The following SLC25A48 variants were observed in gnomAD, a reference collection of about 807,000 sequenced individuals.
SLC25A48 encodes CTC-321K16.1.
In SLC25A48, 29 loss-of-function variants were observed where a neutral mutation model predicts 32.2. The observed-to-expected ratio is 0.90, with a 90% confidence interval of 0.67 to 1.23. SLC25A48 has a LOEUF of 1.23. SLC25A48 is among the 50% of genes most tolerant of loss of function. The probability of loss-of-function intolerance (pLI) is 0.00; values close to 1 mark genes in which losing one functional copy is unlikely to be tolerated. For synonymous variants in SLC25A48, 164 were observed against 172.3 expected (o/e 0.95, Z 0.38); for missense variants, 399 against 422.7 (o/e 0.94, Z 0.49).
intron 3 of SLC25A48, among the ~76,000 whole-genome samples, chr5:135,681,134 C>T (rs764499390): frequency 1.3e-5 from 2 of 152,092 alleles, no homozygotes; most frequent in African/African-American, 2.4e-5. Context: ...TACAGGCATG[C>T]CCGGCTAATT....
chr5:135,764,080 A>G (rs1316098611), intron 3 of SLC25A48, among the ~76,000 whole-genome samples: 3 of 152,088 alleles, frequency 2.0e-5, no homozygotes, highest in African/African-American at 7.2e-5. Flanking sequence ...AAAGAGCGTG[A>G]TATTACTCCC....
At chr5:135,630,623 A>AC (rs1752537746) in intron 2 of SLC25A48, among the ~76,000 whole-genome samples, 1 of 22,266 alleles carries the variant, frequency 4.5e-5, no homozygotes, top group African/African-American at 1.5e-4. Flanking sequence ...TTTTTTTTTG[A>AC]GAGAGTCATG....
At chr5:135,758,075 G>A (rs1484489370) in intron 3 of SLC25A48, among the ~76,000 whole-genome samples, 1 of 150,442 alleles carries the variant, frequency 6.6e-6, no homozygotes, top group East Asian at 2.0e-4. Flanking sequence ...TATCTCTAGT[G>A]TTAACACACG....
At position 135,624,792 on chromosome 5, in the gene SLC25A48, A is replaced by G. The variant is rs1318917; in HGVS notation, c.-848-4445A>G. 6.0e-3 allele frequency among the ~76,000 whole-genome samples: 912 copies of G among 152,220 alleles called. 8 individuals are homozygous for G. The highest frequency in any genetic ancestry group is 0.021 in the African/African-American group (860 of 41,552). On this transcript the variant is annotated intron_variant, in intron 1 of 10. Transcript: ENST00000646290. ...TTTTGGCTGGTGTGGCTGGCTTGGC[A>G]TTTTCTTGGCTGGATCAGACGATGG...
At chr5:135,805,953 C>T (rs1757454574) in intron 3 of SLC25A48, among the ~76,000 whole-genome samples, 1 of 151,336 alleles carries the variant, frequency 6.6e-6, no homozygotes, top group South Asian at 2.1e-4. Context: ...GTGTGTACAT[C>T]CTGTGATATT....
chr5:135,669,613 G>A (rs1177721816), intron 3 of SLC25A48, among the ~76,000 whole-genome samples: 2 of 152,296 alleles, frequency 1.3e-5, no homozygotes, highest in Non-Finnish European at 1.5e-5. Context: ...CCCACCATCT[G>A]TCATTAGTTG....
intron 3 of SLC25A48, among the ~76,000 whole-genome samples, chr5:135,668,583 T>C (rs890771780): frequency 1.3e-5 from 2 of 152,312 alleles, no homozygotes; most frequent in Admixed American, 6.5e-5. Context: ...TAGACATGTA[T>C]AAGCACTGAT....
At chr5:135,828,016 A>G (rs1443418865) in intron 4 of SLC25A48, among the ~76,000 whole-genome samples, 1 of 152,250 alleles carries the variant, frequency 6.6e-6, no homozygotes, top group Non-Finnish European at 1.5e-5. Context: ...TGTGCCATCC[A>G]GAACCCAAGG....
At chr5:135,728,848 A>G (rs1451160554) in intron 3 of SLC25A48, among the ~76,000 whole-genome samples, 1 of 49,850 alleles carries the variant, frequency 2.0e-5, no homozygotes, top group African/African-American at 4.5e-5. Context: ...AAATACACAC[A>G]CACACACACA....
At chr5:135,832,849 G>A (rs941966647), upstream of SLC25A48, among the ~76,000 whole-genome samples, 3 of 152,232 alleles carry the variant, frequency 2.0e-5, no homozygotes, top group African/African-American at 7.2e-5. Context: ...AAAGAAAATG[G>A]GGTTGCTTTC....
rs772841068 is a variant in SLC25A48 at position 135,879,883 on chromosome 5, A to G, written c.814-85A>G. ...GGGGGACCGGGCCTGGGTAGGCAGC[A>G]CCACTAGCTATTCTCTGCCCCTCCT... On this transcript the variant is annotated intron_variant, in intron 6 of 7. Coordinates refer to ENST00000681962, the MANE Select transcript of SLC25A48 (RefSeq NM_001349336.2). The G allele has an allele frequency of 2.6e-4, 387 of 1,490,176 alleles. 1 individual carries two copies. Among genetic ancestry groups the G allele is most frequent in the Middle Eastern group, 1.6e-3 (8 of 5,116 alleles). 92.3% of individuals were successfully genotyped at this position (1,490,176 alleles called of 1,614,324 possible).
chr5:135,583,823 AG>A (rs1751291101), intron 1 of SLC25A48, among the ~76,000 whole-genome samples: 1 of 151,866 alleles, frequency 6.6e-6, no homozygotes, highest in South Asian at 2.1e-4. Flanking sequence ...CTCCCTCTCC[AG>A]CTCCTCCCTC....
intron 1 of SLC25A48, among the ~76,000 whole-genome samples, chr5:135,613,266 A>AT (rs1257628487): frequency 6.6e-6 from 1 of 151,754 alleles, no homozygotes; most frequent in Non-Finnish European, 1.5e-5. Flanking sequence ...TAATGAAAAT[A>AT]TTTTTTGTTT....
chr5:135,717,360 A>T (rs916389165), intron 3 of SLC25A48, among the ~76,000 whole-genome samples: 2 of 151,598 alleles, frequency 1.3e-5, no homozygotes, highest in African/African-American at 4.9e-5. Flanking sequence ...TGAAGGTATC[A>T]CTCCAGGCTG....
intron 3 of SLC25A48, among the ~76,000 whole-genome samples, chr5:135,665,286 T>C (rs1753493948): frequency 6.6e-6 from 1 of 152,196 alleles, no homozygotes; most frequent in Non-Finnish European, 1.5e-5. Flanking sequence ...TTGTTTTTTT[T>C]CTTGCTGATT....
intron 3 of SLC25A48, among the ~76,000 whole-genome samples, chr5:135,679,221 G>A (rs1385300011): frequency 2.8e-4 from 42 of 152,150 alleles, no homozygotes; most frequent in Admixed American, 2.6e-3. Flanking sequence ...CATGTGGGTG[G>A]GTGCCTACTA....
intron 3 of SLC25A48, among the ~76,000 whole-genome samples, chr5:135,774,563 C>T (rs1756498854): frequency 6.6e-6 from 1 of 151,784 alleles, no homozygotes; most frequent in Non-Finnish European, 1.5e-5. Context: ...AATGATATTA[C>T]TCTGAATATC....
chr5:135,758,913 ATAT>A (rs1755992551), intron 3 of SLC25A48, among the ~76,000 whole-genome samples: 2 of 150,944 alleles, frequency 1.3e-5, no homozygotes, highest in African/African-American at 2.4e-5. Context: ...GCTATAAATA[ATAT>A]TAAGTGTTAA....
In SLC25A48 at chr5:135,818,053, T is replaced by TCCTCTCTC; in HGVS notation, c.-117+5128_-117+5135dup. ...AGTTTCCCAGGTTTGTTCTCTCTGT[T>TCCTCTCTC]CCTCTCTCTCTCTCTCTCTCTCTCT... On this transcript the variant is annotated intron_variant, in intron 4 of 10. Transcript: ENST00000646290. Among the ~76,000 whole-genome samples, 3 of 46,584 alleles carry TCCTCTCTC rather than the reference T, an allele frequency of 6.4e-5. No individual in the cohort carries two copies. The South Asian group carries it at 2.0e-3, about 30-fold the overall frequency. The allele number at this position is 46,584 out of a possible 152,430, so 30.6% of individuals were successfully genotyped here. A position where few individuals can be genotyped will look rare whatever the true frequency, so the allele number is the denominator to read the frequency against.
Sources: allele counts gnomAD v4.1 joint callset (sites outside exome capture counted in the v4.1 genomes callset), GRCh38; gene constraint gnomAD v4.1.1; transcripts MANE v1.5; gene names NCBI Gene and HGNC (gene_info 2026-07-23, HGNC 2026-07-21).